Variants in PRKG1 observed in about 807,000 individuals in gnomAD.
The protein encoded by PRKG1 is protein kinase cGMP-dependent 1.
Under a neutral mutation model 88.1 loss-of-function variants are expected in PRKG1, and 35 were observed. The ratio of observed to expected loss-of-function variants is 0.40; its 90% CI spans 0.30 to 0.53. The LOEUF is 0.53. Ranked by LOEUF, PRKG1 falls within the 20% of genes least tolerant of loss-of-function variation. The probability of loss-of-function intolerance (pLI) is 0.59; values close to 1 mark genes in which losing one functional copy is unlikely to be tolerated. For synonymous variants in PRKG1, 303 were observed against 292.5 expected (o/e 1.04, Z -0.37); for missense variants, 540 against 839.8 (o/e 0.64, Z 4.41).
chr10:51,415,207 A>G (rs1044716650), intron 2 of PRKG1, among the ~76,000 whole-genome samples: 3 of 152,216 alleles, frequency 2.0e-5, no homozygotes, highest in East Asian at 1.9e-4. Context: ...GTGAATACAT[A>G]GTATGTGCCA....
intron 17 of PRKG1, among the ~76,000 whole-genome samples, chr10:52,293,444 G>T (rs574916721): frequency 6.6e-6 from 1 of 152,076 alleles, no homozygotes; most frequent in South Asian, 2.1e-4. Flanking sequence ...AAAAGAGCCT[G>T]CATCGCCAAG....
chr10:51,748,098 A>G (rs1001592387), intron 3 of PRKG1, among the ~76,000 whole-genome samples: 2 of 152,228 alleles, frequency 1.3e-5, no homozygotes, highest in African/African-American at 4.8e-5. Flanking sequence ...GTCTCTACAG[A>G]AGATGATTAT....
In PRKG1 at chr10:51,155,778, A is replaced by T. The variant is rs552608356; in HGVS notation, c.478+2448A>T. On this transcript the variant is annotated intron_variant, in intron 2 of 17. Coordinates refer to ENST00000373980, the MANE Select transcript of PRKG1 (RefSeq NM_006258.4). ...TGACAGAATTTCCTCTTTCTAGGGG[A>T]AAGATGGGACTTTTTTCTATTTGAC... 3.9e-5 allele frequency among the ~76,000 whole-genome samples: 6 copies of T among 152,046 alleles called. No homozygotes were observed. The South Asian group carries it at 6.2e-4, about 16-fold the overall frequency.
chr10:51,262,912 A>C (rs754054566), intron 2 of PRKG1, among the ~76,000 whole-genome samples: 8 of 151,884 alleles, frequency 5.3e-5, no homozygotes, highest in Non-Finnish European at 8.8e-5. Flanking sequence ...TGGAGATTAC[A>C]ATTTGACATG....
chr10:52,207,717 G>A (rs1010098824), intron 9 of PRKG1, among the ~76,000 whole-genome samples: 1 of 152,112 alleles, frequency 6.6e-6, no homozygotes, highest in Non-Finnish European at 1.5e-5. Context: ...TATGGCAAGA[G>A]CAGACCACTC....
At chr10:52,111,073 T>C (rs192391846) in intron 7 of PRKG1, among the ~76,000 whole-genome samples, 1 of 152,280 alleles carries the variant, frequency 6.6e-6, no homozygotes, top group African/African-American at 2.4e-5. Flanking sequence ...TTTTTACCGA[T>C]AGGTAAATCT....
At chr10:51,874,650 T>G (rs1400963199) in intron 4 of PRKG1, among the ~76,000 whole-genome samples, 1 of 152,216 alleles carries the variant, frequency 6.6e-6, no homozygotes, top group Non-Finnish European at 1.5e-5. Context: ...TGAGTTAAGA[T>G]AATCACAAGC....
At chr10:51,437,087 C>T (rs1451091428) in intron 2 of PRKG1, among the ~76,000 whole-genome samples, 1 of 151,844 alleles carries the variant, frequency 6.6e-6, no homozygotes, top group African/African-American at 2.4e-5. Flanking sequence ...AACCCGATTG[C>T]TTGAATTGTG....
intron 3 of PRKG1, among the ~76,000 whole-genome samples, chr10:51,762,835 G>A (rs1467172833): frequency 6.6e-6 from 1 of 152,132 alleles, no homozygotes. Flanking sequence ...TTTCACAAAT[G>A]CGATAGCTAG....
chr10:51,106,137 G>A (rs1844827038), intron 1 of PRKG1, among the ~76,000 whole-genome samples: 1 of 152,168 alleles, frequency 6.6e-6, no homozygotes, highest in Admixed American at 6.5e-5. Context: ...AGTTAATACT[G>A]AATTTTGGAT....
chr10:51,883,107 G>A (rs919705824), intron 4 of PRKG1, among the ~76,000 whole-genome samples: 3 of 152,144 alleles, frequency 2.0e-5, no homozygotes, highest in African/African-American at 7.2e-5. Context: ...GGTGGAAAAA[G>A]GGCAAACTGT....
At chr10:51,515,116 A>T (rs72795141) in intron 3 of PRKG1, among the ~76,000 whole-genome samples, 6,529 of 152,334 alleles carry the variant, frequency 0.043, 165 homozygotes, top group Middle Eastern at 0.11. Flanking sequence ...ATCGATTTAT[A>T]TAAATAAGTA....
chr10:52,039,993 C>T (rs765656076), intron 5 of PRKG1, among the ~76,000 whole-genome samples: 2 of 152,128 alleles, frequency 1.3e-5, no homozygotes, highest in Non-Finnish European at 2.9e-5. Flanking sequence ...AAAATCCTTA[C>T]CATAAGAACC....
intron 1 of PRKG1, among the ~76,000 whole-genome samples, chr10:51,012,151 A>C (rs1477609764): frequency 2.0e-5 from 3 of 152,182 alleles, no homozygotes; most frequent in South Asian, 4.1e-4. Context: ...ACCATATTGC[A>C]TGGGTTCTGC....
rs1005683571 is a variant in PRKG1 at position 51,942,630 on chromosome 10, T to C, written c.762+35060T>C. On this transcript the variant is annotated intron_variant, in intron 5 of 17. Transcript: ENST00000373980. ...AATCCATCTTGAATTAATTTTTGTA[T>C]AAGGTGTAAGGAAGGGATCCAGTTT... 1.8e-4 allele frequency among the ~76,000 whole-genome samples: 27 copies of C among 146,656 alleles called. 1 individual carries two copies. Among genetic ancestry groups the C allele is most frequent in the African/African-American group, 6.2e-4 (24 of 38,496 alleles).
intron 3 of PRKG1, among the ~76,000 whole-genome samples, chr10:51,470,930 T>C (rs1004963214): frequency 5.3e-5 from 8 of 151,838 alleles, no homozygotes; most frequent in Non-Finnish European, 1.2e-4. Context: ...GTTACCACGA[T>C]AGCACTAGGA....
At chr10:51,901,550 T>C (rs1289781432) in intron 4 of PRKG1, among the ~76,000 whole-genome samples, 1 of 152,248 alleles carries the variant, frequency 6.6e-6, no homozygotes, top group Non-Finnish European at 1.5e-5. Context: ...AATTATTGTG[T>C]GATCTTCTCT....
intron 5 of PRKG1, among the ~76,000 whole-genome samples, chr10:51,980,379 G>A (rs1397108917): frequency 1.3e-5 from 2 of 152,136 alleles, no homozygotes; most frequent in Non-Finnish European, 2.9e-5. Flanking sequence ...TGCATTTGCT[G>A]AGGAGTGTTT....
chr10:51,327,134 G>A (rs1841611873), intron 2 of PRKG1, among the ~76,000 whole-genome samples: 1 of 152,064 alleles, frequency 6.6e-6, no homozygotes, highest in South Asian at 2.1e-4. Flanking sequence ...GTAAAATAAG[G>A]CTGGGCATGG....
Sources: gnomAD v4.1 joint callset for allele counts (sites outside exome capture counted in the v4.1 genomes callset) on GRCh38, gnomAD v4.1.1 for gene constraint, MANE v1.5 for transcripts, NCBI Gene and HGNC (gene_info 2026-07-23, HGNC 2026-07-21) for gene names.